The following ADGRE1 variants were observed in gnomAD, a reference collection of about 807,000 sequenced individuals.
The protein encoded by ADGRE1 is adhesion G protein-coupled receptor E1.
In ADGRE1, 82 loss-of-function variants were observed where a neutral mutation model predicts 102.7. That is an observed-to-expected ratio of 0.80 (90% CI 0.67 to 0.96). The LOEUF is 0.96. Ranked by LOEUF, ADGRE1 falls within the 40% of genes least tolerant of loss-of-function variation. The pLI is 0.00. For missense variants in ADGRE1, 1,032 were observed against 1,085.3 expected (o/e 0.95, Z 0.69); for synonymous variants, 398 against 399.6 (o/e 1.00, Z 0.05).
At chr19:6,931,297 G>A (rs1166924692) in intron 17 of ADGRE1, among the ~76,000 whole-genome samples, 1 of 152,176 alleles carries the variant, frequency 6.6e-6, no homozygotes, top group Admixed American at 6.5e-5. Context: ...ATGTCTATCA[G>A]ATTTTTTTTA....
intron 18 of ADGRE1, 78 bp downstream of exon 18, chr19:6,935,156 G>A (rs1975350336): frequency 2.7e-6 from 3 of 1,113,768 alleles, no homozygotes; most frequent in Non-Finnish European, 1.3e-6. Flanking sequence ...AGCACTTCTT[G>A]TGTGCTGGGT....
chr19:6,938,943 C>T (rs923141145), intron 20 of ADGRE1, among the ~76,000 whole-genome samples: 3 of 151,786 alleles, frequency 2.0e-5, no homozygotes, highest in African/African-American at 7.3e-5. Flanking sequence ...TTACAGGCGC[C>T]CGCCAGCACA....
At chr19:6,927,831 C>A (rs377076641) in intron 16 of ADGRE1, among the ~76,000 whole-genome samples, 1 of 151,874 alleles carries the variant, frequency 6.6e-6, no homozygotes, top group African/African-American at 2.4e-5. Flanking sequence ...CCGGCCTGAG[C>A]TGAGATTTGA....
chr19:6,896,682 G>A (rs1973564081), intron 3 of ADGRE1, 141 bp downstream of exon 3: 1 of 948,872 alleles, frequency 1.1e-6, no homozygotes, highest in African/African-American at 1.7e-5. Context: ...TGGAGTATTA[G>A]GTCATTTCTG....
Position 6,906,454 on chromosome 19 carries a change from A to T in ADGRE1, c.971A>T (p.Glu324Val). 1 of 1,613,810 alleles carries T rather than the reference A, an allele frequency of 6.2e-7. No individual in the cohort carries two copies. The highest frequency in any genetic ancestry group is 8.5e-7 in the Non-Finnish European group (1 of 1,179,736). The part of the protein sequence containing the change: ...SCQRVLFKCK[E>V]DVIPDNKQIQ... ...CTAGGGGTTCTCTTCAAATGTAAGG[A>T]AGATGTGATACCCGATAATAAGCAG... The change falls in exon 9 of 21, where the codon GAA becomes GTA. Residue 324 changes from glutamate to valine, a missense_variant. By Grantham distance (121) the Glu-to-Val change is moderately radical. Transcript: ENST00000312053.
At position 6,896,502 on chromosome 19, in the gene ADGRE1, G is replaced by A; in HGVS notation, c.199G>A (p.Gly67Arg). 6.2e-7 allele frequency: 1 copy of A among 1,614,088 alleles called. No homozygotes were observed. Among genetic ancestry groups the A allele is most frequent in the East Asian group, 2.2e-5 (1 of 44,884 alleles). Residue 67 changes from glycine (G) to arginine (R), a missense_variant, in exon 3 of 21, where the codon GGG becomes AGG. By Grantham distance (125) the Gly-to-Arg change is moderately radical. Transcript: ENST00000312053. ...ACKQGFLSSNGQNHFKDPGVR... is the reference protein window; with the variant it reads ...ACKQGFLSSNRQNHFKDPGVR... ...CAAACAAGGCTTCCTGTCCAGCAAT[G>A]GGCAAAATCACTTCAAGGATCCAGG...
At chr19:6,890,421 GTTTTTTT>G (rs57355800) in intron 1 of ADGRE1, 53 bp from the exon 2 acceptor site, 60 of 451,206 alleles carry the variant, frequency 1.3e-4, no homozygotes, top group African/African-American at 2.2e-4. Flanking sequence ...AGCCCAAAAG[GTTTTTTT>G]TTTTTTTTTT....
chr19:6,896,569 A>G (rs772839413), intron 3 of ADGRE1, 28 bp downstream of exon 3: 2 of 1,604,348 alleles, frequency 1.2e-6, no homozygotes, highest in Non-Finnish European at 1.7e-6. Flanking sequence ...CAAACCATCC[A>G]GCATTTGGTA....
In ADGRE1 at chr19:6,896,447, C is replaced by G. The variant is rs767849100; in HGVS notation, c.144C>G (p.Thr48=). 1.3e-5 allele frequency: 21 copies of G among 1,613,978 alleles called. No homozygotes were observed. The highest frequency in any genetic ancestry group is 1.4e-5 in the Non-Finnish European group (16 of 1,179,998). ...TGTGCCCAGCTTATGCCACCTGCAC[C>G]AATACAGTGGACAGTTACTATTGCG... is the stretch of plus-strand genomic sequence containing the variant. The part of the protein sequence containing the change: ...STLCPAYATC[T]NTVDSYYCAC... Residue 48 remains threonine, a synonymous_variant, in exon 3 of 21, where the codon ACC becomes ACG. Coordinates refer to ENST00000312053, the MANE Select transcript of ADGRE1 (RefSeq NM_001974.5).
chr19:6,911,385 G>GTTTTTT lies in ADGRE1; in HGVS notation c.1123-2253_1123-2248dup, dbSNP rs772959056. ...TTTATTAGGTTCTGGATTCCTTTTAGTTTTTTTTTTTTTTTTTTTTGCTTG... is the reference window on the plus strand; with the variant it reads ...TTTATTAGGTTCTGGATTCCTTTTAGTTTTTTTTTTTTTTTTTTTTTTTTTTGCTTG... On this transcript the variant is annotated intron_variant, in intron 10 of 20. Coordinates refer to ENST00000312053, the MANE Select transcript of ADGRE1 (RefSeq NM_001974.5). Among the ~76,000 whole-genome samples, 462 of 79,820 alleles carry GTTTTTT rather than the reference G, an allele frequency of 5.8e-3. 57 individuals are homozygous for GTTTTTT. The highest frequency in any genetic ancestry group is 0.012 in the East Asian group (30 of 2,492). The allele number at this position is 79,820 out of a possible 152,430, so 52.4% of individuals were successfully genotyped here. A position where few individuals can be genotyped will look rare whatever the true frequency, so the allele number is the denominator to read the frequency against.
At chr19:6,922,528 T>C (rs1467789637) in intron 14 of ADGRE1, among the ~76,000 whole-genome samples, 2 of 151,192 alleles carry the variant, frequency 1.3e-5, no homozygotes, top group Non-Finnish European at 2.9e-5. Context: ...GGCAGGAGAA[T>C]CGCTTGAACC....
rs200264142 is a variant in ADGRE1 at position 6,924,829 on chromosome 19, C to A, written c.1943C>A (p.Ala648Glu). 3.7e-6 allele frequency: 6 copies of A among 1,614,098 alleles called. No individual in the cohort carries two copies. In the South Asian group the frequency reaches 6.6e-5, roughly 18 times the overall value. Residue 648 changes from alanine to glutamate, a missense_variant, in exon 15 of 21, where the codon GCG becomes GAG. Physicochemically the swap from Ala to Glu is moderately radical, Grantham distance 107 (BLOSUM62 -1). Coordinates refer to ENST00000312053, the MANE Select transcript of ADGRE1 (RefSeq NM_001974.5). ...HLHLCVCLLLAKTLFLAGIHK... is the reference protein window; with the variant it reads ...HLHLCVCLLLEKTLFLAGIHK... The stretch of plus-strand genomic sequence containing the variant: ...CACCTCTGCGTGTGTCTCCTCTTGG[C>A]GAAGACTCTCTTCCTCGCCGGTATA...
At position 6,908,753 on chromosome 19, in the gene ADGRE1, C is replaced by T. The variant is rs145437105; in HGVS notation, c.1103C>T (p.Thr368Met). Residue 368 changes from threonine to methionine, a missense_variant, in exon 10 of 21, where the codon ACG becomes ATG. Coordinates refer to ENST00000312053, the MANE Select transcript of ADGRE1 (RefSeq NM_001974.5). ...SVLDKVCENKTTVVSLKNTTE... is the reference protein window; with the variant it reads ...SVLDKVCENKMTVVSLKNTTE... ...CTGGACAAAGTGTGTGAAAATAAAA[C>T]GACCGTAGTTTCTCTGAAGGTAACG... The T allele has an allele frequency of 2.2e-4, 356 of 1,607,844 alleles. No homozygotes were observed. Among genetic ancestry groups the T allele is most frequent in the African/African-American group, 5.0e-4 (37 of 74,296 alleles).
chr19:6,902,899 G>C (rs1973823911), intron 6 of ADGRE1, among the ~76,000 whole-genome samples: 1 of 152,208 alleles, frequency 6.6e-6, no homozygotes, highest in Non-Finnish European at 1.5e-5. Flanking sequence ...ACCATGCCCA[G>C]CTAATTTTTT....
At chr19:6,928,939 CAA>C (rs61017298) in intron 17 of ADGRE1, among the ~76,000 whole-genome samples, 8 of 132,010 alleles carry the variant, frequency 6.1e-5, no homozygotes, top group African/African-American at 5.0e-5. Flanking sequence ...AACTCCATCT[CAA>C]AAAAAAAAAA....
At chr19:6,888,842 G>A (rs551051745) in intron 1 of ADGRE1, among the ~76,000 whole-genome samples, 1 of 152,212 alleles carries the variant, frequency 6.6e-6, no homozygotes, top group African/African-American at 2.4e-5. Flanking sequence ...GACATCAAAT[G>A]TAGGCATGCA....
intron 15 of ADGRE1, among the ~76,000 whole-genome samples, chr19:6,925,693 T>A (rs1467409234): frequency 7.9e-5 from 11 of 138,892 alleles, no homozygotes; most frequent in African/African-American, 2.1e-4. Flanking sequence ...TTTCTTTTTT[T>A]AAATTTTTAA....
chr19:6,896,073 A>C (rs1973538123), intron 2 of ADGRE1: 1 of 209,612 alleles, frequency 4.8e-6, no homozygotes, highest in African/African-American at 2.3e-5. Context: ...GCTTCTAGAC[A>C]TATCACTCTG....
At position 6,899,079 on chromosome 19, in the gene ADGRE1, C is replaced by G. The variant is rs117954907; in HGVS notation, c.514+1532C>G. ...GTAATTGCTTTATAGGATCTGTGAA[C>G]TATATGCAAATATTAAGTGGAAGAG... On this transcript the variant is annotated intron_variant, in intron 5 of 20. Transcript: ENST00000312053. 2.6e-5 allele frequency among the ~76,000 whole-genome samples: 4 copies of G among 152,242 alleles called. No homozygotes were observed. In the East Asian group the frequency reaches 5.8e-4, roughly 22 times the overall value.
Sources: gnomAD v4.1 joint callset for allele counts (sites outside exome capture counted in the v4.1 genomes callset) on GRCh38, gnomAD v4.1.1 for gene constraint, MANE v1.5 for transcripts, NCBI Gene and HGNC (gene_info 2026-07-23, HGNC 2026-07-21) for gene names.